The following MIR2052HG variants were observed in gnomAD, a reference collection of about 807,000 sequenced individuals.
The protein encoded by MIR2052HG is MIR2052 host gene.
chr8:74,643,893 T>C (rs1421959300), intron 2 of MIR2052HG, among the ~76,000 whole-genome samples: 1 of 152,204 alleles, frequency 6.6e-6, no homozygotes, highest in Non-Finnish European at 1.5e-5. Context: ...AAATTCTTTC[T>C]ATAAGGAAAA....
chr8:74,664,535 G>A (rs531724641), intron 2 of MIR2052HG, among the ~76,000 whole-genome samples: 59 of 150,420 alleles, frequency 3.9e-4, no homozygotes, highest in Admixed American at 1.1e-3. Context: ...TTTATTTTTT[G>A]AGGCAGAATT....
rs569832598 is a variant in MIR2052HG at position 74,738,079 on chromosome 8, G to C, written n.372-14362G>C. Reference sequence around the variant, plus strand: ...ATCTATCATTTATGTATGTATGTATGATCTATGTATGTATGTATGTATCTG... The same window carrying C: ...ATCTATCATTTATGTATGTATGTATCATCTATGTATGTATGTATGTATCTG... On this transcript the variant is annotated intron_variant and non_coding_transcript_variant, in intron 4 of 6. Transcript: ENST00000523442. Among the ~76,000 whole-genome samples, 5 of 151,792 alleles carry C rather than the reference G, an allele frequency of 3.3e-5. No homozygotes were observed. The South Asian group carries it at 1.0e-3, about 32-fold the overall frequency.
At chr8:74,715,042 C>T (rs1411271943) in intron 4 of MIR2052HG, among the ~76,000 whole-genome samples, 2 of 151,986 alleles carry the variant, frequency 1.3e-5, no homozygotes, top group East Asian at 3.8e-4. Flanking sequence ...AGGCATAAAA[C>T]AATAAATATG....
intron 2 of MIR2052HG, among the ~76,000 whole-genome samples, chr8:74,685,556 G>A (rs1160682010): frequency 6.6e-6 from 1 of 151,974 alleles, no homozygotes. Flanking sequence ...TTTGGTTTGG[G>A]TCACATAACT....
At chr8:74,735,583 CAAT>C (rs1167105197) in intron 4 of MIR2052HG, among the ~76,000 whole-genome samples, 1 of 152,172 alleles carries the variant, frequency 6.6e-6, no homozygotes. Context: ...TGTGCAACAA[CAAT>C]GTGAGGCTGC....
intron 4 of MIR2052HG, among the ~76,000 whole-genome samples, chr8:74,704,277 A>G (rs571945959): frequency 1.3e-5 from 2 of 152,168 alleles, no homozygotes; most frequent in African/African-American, 2.4e-5. Context: ...TTGGCATGTG[A>G]TCAATGCTTG....
At chr8:74,607,868 A>C (rs1808134990) in intron 1 of MIR2052HG, among the ~76,000 whole-genome samples, 1 of 152,212 alleles carries the variant, frequency 6.6e-6, no homozygotes, top group South Asian at 2.1e-4. Flanking sequence ...CCTTTGGATC[A>C]GAAAGTGGTT....
chr8:74,635,682 C>T (rs138469714), intron 2 of MIR2052HG, among the ~76,000 whole-genome samples: 388 of 152,204 alleles, frequency 2.5e-3, no homozygotes, highest in African/African-American at 8.1e-3. Flanking sequence ...GGCTGGATTA[C>T]GCAGCAGGAT....
chr8:74,703,355 A>C (rs1352120976), intron 3 of MIR2052HG, among the ~76,000 whole-genome samples: 1 of 152,068 alleles, frequency 6.6e-6, no homozygotes, highest in Admixed American at 6.6e-5. Flanking sequence ...CTTTATTTTA[A>C]TCTTCCTCAA....
intron 2 of MIR2052HG, among the ~76,000 whole-genome samples, chr8:74,661,800 T>C (rs569317490): frequency 9.8e-5 from 15 of 152,318 alleles, no homozygotes; most frequent in African/African-American, 3.6e-4. Flanking sequence ...GGTATATTTT[T>C]ATGTCCCCTT....
At chr8:74,723,081 C>T (rs1166329793) in intron 4 of MIR2052HG, among the ~76,000 whole-genome samples, 3 of 152,206 alleles carry the variant, frequency 2.0e-5, no homozygotes, top group African/African-American at 7.2e-5. Context: ...TGCAGTCATG[C>T]ATTGGTTTTA....
At chr8:74,717,669 A>T (rs1586922329) in intron 4 of MIR2052HG, among the ~76,000 whole-genome samples, 1 of 152,174 alleles carries the variant, frequency 6.6e-6, no homozygotes, top group Non-Finnish European at 1.5e-5. Context: ...AAATTAAAAA[A>T]ATATAGTAAG....
intron 2 of MIR2052HG, among the ~76,000 whole-genome samples, chr8:74,665,465 C>T (rs990784885): frequency 2.0e-5 from 3 of 152,154 alleles, no homozygotes; most frequent in East Asian, 3.9e-4. Context: ...GCTCTTTTTC[C>T]GAAGGTCACC....
At chr8:74,686,191 C>G (rs574639668) in intron 2 of MIR2052HG, among the ~76,000 whole-genome samples, 1 of 151,602 alleles carries the variant, frequency 6.6e-6, no homozygotes, top group East Asian at 1.9e-4. Flanking sequence ...ACAGCTTTCT[C>G]AAAGCTGAAT....
At chr8:74,724,813 A>G (rs1809616977) in intron 4 of MIR2052HG, among the ~76,000 whole-genome samples, 1 of 152,132 alleles carries the variant, frequency 6.6e-6, no homozygotes, top group Non-Finnish European at 1.5e-5. Context: ...TGGATTCAGA[A>G]TTCTAGCATC....
chr8:74,737,144 C>T (rs1809774966), intron 4 of MIR2052HG, among the ~76,000 whole-genome samples: 1 of 152,206 alleles, frequency 6.6e-6, no homozygotes, highest in South Asian at 2.1e-4. Context: ...AACTTTGTAA[C>T]TTCACCCTAG....
intron 2 of MIR2052HG, among the ~76,000 whole-genome samples, chr8:74,676,430 C>T (rs1586911056): frequency 6.6e-6 from 1 of 151,778 alleles, no homozygotes; most frequent in East Asian, 1.9e-4. Context: ...ATTAATAAAA[C>T]TTCTGTGCAG....
At chr8:74,629,516 G>A (rs1007621830) in intron 2 of MIR2052HG, among the ~76,000 whole-genome samples, 3 of 152,114 alleles carry the variant, frequency 2.0e-5, no homozygotes, top group Non-Finnish European at 2.9e-5. Flanking sequence ...ACAGCAAGGG[G>A]CCAGCCTTTT....
chr8:74,627,601 C>T (rs1028773859), intron 2 of MIR2052HG, among the ~76,000 whole-genome samples: 3 of 151,934 alleles, frequency 2.0e-5, no homozygotes, highest in African/African-American at 7.3e-5. Context: ...TTAAAAAGTG[C>T]CAAATTCCAC....
Sources: allele counts gnomAD v4.1 joint callset (sites outside exome capture counted in the v4.1 genomes callset), GRCh38; gene constraint gnomAD v4.1.1; transcripts MANE v1.5; gene names NCBI Gene and HGNC (gene_info 2026-07-23, HGNC 2026-07-21).